The following GLCE variants were observed in gnomAD, a reference collection of about 807,000 sequenced individuals.
The protein encoded by GLCE is D-glucuronyl C5-epimerase.
GLCE carries 19 observed loss-of-function variants against 47.9 expected under a neutral mutation model. The observed-to-expected ratio is 0.40, with a 90% confidence interval of 0.28 to 0.58. The LOEUF (loss-of-function observed/expected upper bound fraction) is 0.58, where lower values mean the gene tolerates loss of function less well. Ranked by LOEUF, GLCE falls within the 20% of genes least tolerant of loss-of-function variation. The probability of loss-of-function intolerance (pLI) is 0.48; values close to 1 mark genes in which losing one functional copy is unlikely to be tolerated. For synonymous variants in GLCE, 245 were observed against 263.4 expected, an observed-to-expected ratio of 0.93 and a Z score of 0.68; for missense variants, 556 against 743.3, an observed-to-expected ratio of 0.75 and a Z score of 2.93.
At chr15:69,264,978 T>C (rs1251934171) in intron 4 of GLCE, among the ~76,000 whole-genome samples, 3 of 152,172 alleles carry the variant, frequency 2.0e-5, no homozygotes, top group Non-Finnish European at 2.9e-5. Flanking sequence ...TCCTATTCTA[T>C]AGGTTGCTTT....
Position 69,189,238 on chromosome 15 carries a change from C to T in GLCE, c.-104-21078C>T, listed in dbSNP as rs150416460. On this transcript the variant is annotated intron_variant, in intron 1 of 4. Transcript: ENST00000261858. ...TGGCAACCACTGATCTTTTCACTCT[C>T]TCCATAGTCTTTGCCTTTTTCAAAG... Among the ~76,000 whole-genome samples the T allele has an allele frequency of 1.3e-3, 203 of 152,306 alleles. 1 individual carries two copies. The highest frequency in any genetic ancestry group is 4.7e-3 in the African/African-American group (196 of 41,584).
intron 2 of GLCE, among the ~76,000 whole-genome samples, chr15:69,249,308 T>C (rs991012438): frequency 6.6e-6 from 1 of 152,194 alleles, no homozygotes; most frequent in African/African-American, 2.4e-5. Context: ...TTAAGGTGTT[T>C]TATAGCATAG....
intron 1 of GLCE, among the ~76,000 whole-genome samples, chr15:69,179,592 A>C (rs1381953424): frequency 6.6e-6 from 1 of 152,192 alleles, no homozygotes; most frequent in African/African-American, 2.4e-5. Context: ...ATATAGTCAT[A>C]TCTCTCATCC....
At chr15:69,165,098 G>A (rs2051482581) in intron 1 of GLCE, among the ~76,000 whole-genome samples, 1 of 151,840 alleles carries the variant, frequency 6.6e-6, no homozygotes, top group Non-Finnish European at 1.5e-5. Context: ...TTTAAGTTCA[G>A]GGGCACATGT....
At chr15:69,173,722 C>G (rs976807383) in intron 1 of GLCE, among the ~76,000 whole-genome samples, 3 of 152,044 alleles carry the variant, frequency 2.0e-5, no homozygotes, top group Non-Finnish European at 4.4e-5. Flanking sequence ...GTTGTAATTC[C>G]AATTGGCAAA....
Position 69,246,717 on chromosome 15 carries a change from GAA to G in GLCE, c.-13-9061_-13-9060del, listed in dbSNP as rs60267132. Among the ~76,000 whole-genome samples, 1,001 of 100,252 alleles carry G rather than the reference GAA, an allele frequency of 1.0e-2. 14 individuals are homozygous for G. Among genetic ancestry groups the G allele is most frequent in the African/African-American group, 0.032 (960 of 29,708 alleles). The allele number at this position is 100,252 out of a possible 152,430, so 65.8% of individuals were successfully genotyped here. A position where few individuals can be genotyped will look rare whatever the true frequency, so the allele number is the denominator to read the frequency against. On this transcript the variant is annotated intron_variant, in intron 2 of 4. Transcript: ENST00000261858. ...GGCGATACAGTGAGACTCCATCTCAGAAAAAAAAAAAAAAAAAGACATGAAAG... is the reference window on the plus strand; with the variant it reads ...GGCGATACAGTGAGACTCCATCTCAGAAAAAAAAAAAAAAAGACATGAAAG...
intron 1 of GLCE, among the ~76,000 whole-genome samples, chr15:69,177,459 T>C (rs2051684976): frequency 6.7e-6 from 1 of 148,714 alleles, no homozygotes; most frequent in South Asian, 2.1e-4. Flanking sequence ...ATGTTATGAG[T>C]CCCTTAGTAT....
intron 1 of GLCE, among the ~76,000 whole-genome samples, chr15:69,163,601 G>T (rs2051458916): frequency 1.3e-5 from 2 of 152,190 alleles, no homozygotes; most frequent in African/African-American, 2.4e-5. Context: ...CTTTGTAGAT[G>T]ATTGTGCTAC....
At chr15:69,186,322 C>T (rs2051823360) in intron 1 of GLCE, among the ~76,000 whole-genome samples, 1 of 152,100 alleles carries the variant, frequency 6.6e-6, no homozygotes, top group Non-Finnish European at 1.5e-5. Context: ...CAGAGGCCTG[C>T]CTCTGAGGCC....
chr15:69,191,284 T>G (rs1694473291), intron 1 of GLCE, among the ~76,000 whole-genome samples: 1 of 152,162 alleles, frequency 6.6e-6, no homozygotes, highest in African/African-American at 2.4e-5. Context: ...AAAAATTACA[T>G]CAACATTTCA....
At chr15:69,238,821 GA>G (rs1432712784) in intron 2 of GLCE, among the ~76,000 whole-genome samples, 2 of 152,156 alleles carry the variant, frequency 1.3e-5, no homozygotes, top group Non-Finnish European at 2.9e-5. Context: ...TGTTTGAGTG[GA>G]ATGCCTGAAT....
chr15:69,194,085 C>G (rs1277474734), intron 1 of GLCE, among the ~76,000 whole-genome samples: 1 of 152,108 alleles, frequency 6.6e-6, no homozygotes, highest in East Asian at 1.9e-4. Flanking sequence ...GAAGCCTTAC[C>G]TATTTTTAGT....
In GLCE at chr15:69,270,358, A is replaced by G. The variant is rs962769801; in HGVS notation, c.*1114A>G. On this transcript the variant is annotated 3_prime_UTR_variant, in exon 5 of 5. Transcript: ENST00000261858. ...AATTTTAAATTATCCCAGCTATTAG[A>G]TAGAAGGGATGTTACTGCACTTATG... The G allele has an allele frequency of 1.3e-5, 2 of 151,918 alleles. No individual in the cohort carries two copies. The highest frequency in any genetic ancestry group is 6.6e-5 in the Admixed American group (1 of 15,218). The allele number at this position is 151,918 out of a possible 1,614,324, so 9.4% of individuals were successfully genotyped here.
intron 1 of GLCE, chr15:69,196,595 G>T: frequency 6.1e-6 from 1 of 163,804 alleles, no homozygotes; most frequent in South Asian, 1.6e-4. Context: ...CGAGAGCCGT[G>T]AAGATGAGGA....
chr15:69,175,408 A>C (rs2051648285), intron 1 of GLCE, among the ~76,000 whole-genome samples: 1 of 152,216 alleles, frequency 6.6e-6, no homozygotes, highest in South Asian at 2.1e-4. Flanking sequence ...TTCTTTTTAG[A>C]AAATCAGGAG....
At chr15:69,166,459 C>A (rs1376781844) in intron 1 of GLCE, among the ~76,000 whole-genome samples, 1 of 152,142 alleles carries the variant, frequency 6.6e-6, no homozygotes, top group African/African-American at 2.4e-5. Flanking sequence ...CTAAAGTAGA[C>A]AATTTGAGAT....
intron 1 of GLCE, among the ~76,000 whole-genome samples, chr15:69,202,878 C>T (rs893879790): frequency 1.3e-5 from 2 of 151,990 alleles, no homozygotes; most frequent in African/African-American, 4.8e-5. Context: ...ATTTCTTATT[C>T]TGACCTTTAA....
chr15:69,207,588 C>A (rs1272572666), intron 1 of GLCE, among the ~76,000 whole-genome samples: 1 of 152,036 alleles, frequency 6.6e-6, no homozygotes, highest in Non-Finnish European at 1.5e-5. Flanking sequence ...ATAGTTCATT[C>A]CTTTTCATTT....
In GLCE at chr15:69,256,155, A is replaced by C. The variant is rs755090621; in HGVS notation, c.349A>C (p.Ile117Leu). 7.4e-6 allele frequency: 12 copies of C among 1,613,964 alleles called. No homozygotes were observed. The change falls in exon 3 of 5, where the codon ATT (isoleucine) becomes CTT (leucine). Residue 117 changes from isoleucine to leucine, a missense_variant. By Grantham distance (5) the Ile-to-Leu change is conservative. Transcript: ENST00000261858. ...IDCLINDEHTIKGRREGNEVF... is the reference protein window; with the variant it reads ...IDCLINDEHTLKGRREGNEVF... ...CTGTCTCATAAATGATGAACACACA[A>C]TTAAAGGGAGACGAGAGGGGAACGA...
Sources: gnomAD v4.1 joint callset for allele counts (sites outside exome capture counted in the v4.1 genomes callset) on GRCh38, gnomAD v4.1.1 for gene constraint, MANE v1.5 for transcripts, NCBI Gene and HGNC (gene_info 2026-07-23, HGNC 2026-07-21) for gene names.